The following XKR4 variants were observed in gnomAD, a reference collection of about 807,000 sequenced individuals.
XKR4 encodes XK related 4, also known as XK-related protein 4.
XKR4 carries 12 observed loss-of-function variants against 53.9 expected under a neutral mutation model. That is an observed-to-expected ratio of 0.22 (90% confidence interval 0.14 to 0.36). The LOEUF is 0.36. Ranked by LOEUF, XKR4 falls within the 10% of genes least tolerant of loss-of-function variation. XKR4 has a pLI of 1.00. For synonymous variants in XKR4, 354 were observed against 362.4 expected (o/e 0.98, Z 0.26); for missense variants, 799 against 859.5 (o/e 0.93, Z 0.88).
intron 2 of XKR4, among the ~76,000 whole-genome samples, chr8:55,431,041 A>G (rs1805096666): frequency 6.6e-6 from 1 of 152,178 alleles, no homozygotes; most frequent in Admixed American, 6.5e-5. Flanking sequence ...TCTCCATATT[A>G]TTTCTTACAA....
intron 1 of XKR4, among the ~76,000 whole-genome samples, chr8:55,133,526 G>GT (rs1221695505): frequency 6.6e-6 from 1 of 152,184 alleles, no homozygotes; most frequent in African/African-American, 2.4e-5. Flanking sequence ...TAGGAATTGG[G>GT]TGCTGAGGTA....
At chr8:55,446,152 C>T (rs1156772403) in intron 2 of XKR4, among the ~76,000 whole-genome samples, 2 of 139,304 alleles carry the variant, frequency 1.4e-5, no homozygotes, top group African/African-American at 5.2e-5. Flanking sequence ...GCGTTATTCC[C>T]AGGAAGGCAG....
At chr8:55,257,447 TGA>T (rs376840800) in intron 1 of XKR4, among the ~76,000 whole-genome samples, 17 of 141,820 alleles carry the variant, frequency 1.2e-4, no homozygotes, top group African/African-American at 1.3e-4. Context: ...GGGGAGAAAA[TGA>T]GAGAGAGAGA....
intron 1 of XKR4, among the ~76,000 whole-genome samples, chr8:55,257,989 G>A (rs966524484): frequency 3.3e-5 from 5 of 152,208 alleles, no homozygotes; most frequent in African/African-American, 4.8e-5. Flanking sequence ...AGCTCAGACC[G>A]TGGGCTCTGG....
At chr8:55,478,066 T>C (rs1048339704) in intron 2 of XKR4, among the ~76,000 whole-genome samples, 9 of 152,074 alleles carry the variant, frequency 5.9e-5, no homozygotes, top group African/African-American at 1.7e-4. Context: ...GCCACAAAGA[T>C]ACTCCTCGAG....
chr8:55,308,290 C>T (rs1310504037), intron 1 of XKR4, among the ~76,000 whole-genome samples: 3 of 152,006 alleles, frequency 2.0e-5, no homozygotes, highest in Non-Finnish European at 4.4e-5. Flanking sequence ...AAAGATACTA[C>T]CAGAGACTGG....
chr8:55,185,113 T>C (rs866485444), intron 1 of XKR4, among the ~76,000 whole-genome samples: 1 of 152,228 alleles, frequency 6.6e-6, no homozygotes, highest in Non-Finnish European at 1.5e-5. Context: ...TTTTAAGCAG[T>C]AACACAAAGT....
At chr8:55,123,240 T>C in intron 1 of XKR4, among the ~76,000 whole-genome samples, 1 of 152,350 alleles carries the variant, frequency 6.6e-6, no homozygotes, top group South Asian at 2.1e-4. Flanking sequence ...ATTGATTGAA[T>C]GAATGAAATG....
chr8:55,259,176 C>A (rs1204419948), intron 1 of XKR4, among the ~76,000 whole-genome samples: 3 of 152,216 alleles, frequency 2.0e-5, no homozygotes, highest in African/African-American at 7.2e-5. Context: ...GCATCCACTG[C>A]GCGGGGACGC....
At chr8:55,317,419 T>C (rs1487456180) in intron 1 of XKR4, among the ~76,000 whole-genome samples, 1 of 152,162 alleles carries the variant, frequency 6.6e-6, no homozygotes, top group Non-Finnish European at 1.5e-5. Context: ...TTAGTCTATG[T>C]TTTTTGGGGT....
intron 1 of XKR4, among the ~76,000 whole-genome samples, chr8:55,114,423 G>A (rs887898723): frequency 1.7e-4 from 26 of 152,244 alleles, no homozygotes; most frequent in African/African-American, 5.5e-4. Context: ...GTTTGTGCAT[G>A]TTTGACTGAG....
intron 2 of XKR4, among the ~76,000 whole-genome samples, chr8:55,397,955 T>A (rs77908283): frequency 1.7e-3 from 259 of 152,156 alleles, no homozygotes; most frequent in African/African-American, 5.9e-3. Flanking sequence ...CTCTTTGACA[T>A]CCCCCATGTA....
At chr8:55,484,025 A>G (rs1485487552) in intron 2 of XKR4, among the ~76,000 whole-genome samples, 5 of 152,204 alleles carry the variant, frequency 3.3e-5, no homozygotes, top group African/African-American at 7.2e-5. Flanking sequence ...AGACCATACA[A>G]TATCCAGAGT....
chr8:55,259,194 G>A (rs1008302286), intron 1 of XKR4, among the ~76,000 whole-genome samples: 1 of 152,220 alleles, frequency 6.6e-6, no homozygotes, highest in East Asian at 1.9e-4. Context: ...CGCACCTGGG[G>A]TGGGCCTCGC....
chr8:55,506,596 G>A (rs547163737), intron 2 of XKR4, among the ~76,000 whole-genome samples: 1 of 152,266 alleles, frequency 6.6e-6, no homozygotes, highest in South Asian at 2.1e-4. Flanking sequence ...ATAATTTAAT[G>A]TGCATACCAG....
At chr8:55,393,436 AAG>A (rs1804471774) in intron 2 of XKR4, among the ~76,000 whole-genome samples, 1 of 151,032 alleles carries the variant, frequency 6.6e-6, no homozygotes, top group African/African-American at 2.4e-5. Context: ...GGAAGGAAGG[AAG>A]GAAGGAAGGA....
intron 1 of XKR4, among the ~76,000 whole-genome samples, chr8:55,277,418 T>A (rs1194412543): frequency 2.0e-5 from 3 of 152,202 alleles, no homozygotes; most frequent in Non-Finnish European, 4.4e-5. Context: ...AGTGTTTCCA[T>A]TTTTGAATTT....
At chr8:55,152,878 A>C (rs1039887338) in intron 1 of XKR4, among the ~76,000 whole-genome samples, 1 of 152,218 alleles carries the variant, frequency 6.6e-6, no homozygotes, top group African/African-American at 2.4e-5. Context: ...CTAGCACCTC[A>C]ATTACTCACC....
intron 1 of XKR4, among the ~76,000 whole-genome samples, chr8:55,247,867 T>TCTTTCTTTCTTTCTTTC (rs1368785247): frequency 2.3e-4 from 6 of 26,408 alleles, no homozygotes; most frequent in Non-Finnish European, 1.3e-3. Flanking sequence ...TTTTTTTTTT[T>TCTTTCTTTCTTTCTTTC]TTTTTTTGAG....
Sources: allele counts gnomAD v4.1 joint callset (sites outside exome capture counted in the v4.1 genomes callset), GRCh38; gene constraint gnomAD v4.1.1; transcripts MANE v1.5; gene names NCBI Gene and HGNC (gene_info 2026-07-23, HGNC 2026-07-21).